Variants in KIF26B observed in about 807,000 individuals in gnomAD.
KIF26B encodes the protein kinesin family member 26B, also known as kinesin-like protein KIF26B.
KIF26B carries 63 observed loss-of-function variants against 151.2 expected under a neutral mutation model. That is an observed-to-expected ratio of 0.42 (90% confidence interval 0.34 to 0.51). KIF26B has a LOEUF of 0.51. Ranked by LOEUF, KIF26B falls within the 20% of genes least tolerant of loss-of-function variation. The probability of loss-of-function intolerance (pLI) is 0.07; values close to 1 mark genes in which losing one functional copy is unlikely to be tolerated. For missense variants in KIF26B, 2,813 were observed against 2,913.6 expected, an observed-to-expected ratio of 0.97 and a Z score of 0.79; for synonymous variants, 1,357 against 1,262.1, an observed-to-expected ratio of 1.08 and a Z score of -1.59.
rs564300679 is a variant in KIF26B, at chr1:245,224,814, C to G, written c.465+68131C>G. On this transcript the variant is annotated intron_variant, in intron 2 of 14. Coordinates refer to ENST00000407071, the MANE Select transcript of KIF26B (RefSeq NM_018012.4). ...AACTGTGGCGTAGACCAATGGATTT[C>G]CATGTAGTGGAGTAGAAAAAGTTTA... Among the ~76,000 whole-genome samples, 140 of 152,314 alleles carry G rather than the reference C, an allele frequency of 9.2e-4. 1 individual carries two copies. The highest frequency in any genetic ancestry group is 3.2e-3 in the African/African-American group (135 of 41,576).
At position 245,218,019 on chromosome 1, in the gene KIF26B, C is replaced by T. The variant is rs1300697808; in HGVS notation, c.465+61336C>T. On this transcript the variant is annotated intron_variant, in intron 2 of 14. Coordinates refer to ENST00000407071, the MANE Select transcript of KIF26B (RefSeq NM_018012.4). This position sits in a 1 kb window ranked among gnomAD's most constrained non-coding sequence, Gnocchi z 4.1. The stretch of plus-strand genomic sequence containing the variant: ...GCTTAGTCCTGCATTCTTTCCAAAG[C>T]CCCCATGCGGTGACTCAGTATTTGG... Among the ~76,000 whole-genome samples, 1 of 152,172 alleles carries T rather than the reference C, an allele frequency of 6.6e-6. No homozygotes were observed. Among genetic ancestry groups the T allele is most frequent in the African/African-American group, 2.4e-5 (1 of 41,446 alleles).
chr1:245,449,584 A>T (rs919793810), intron 4 of KIF26B, among the ~76,000 whole-genome samples: 1 of 152,048 alleles, frequency 6.6e-6, no homozygotes, highest in African/African-American at 2.4e-5. Flanking sequence ...TTGTACTGTT[A>T]ATCAGTTAAG....
At chr1:245,458,239 C>T (rs1349125642) in intron 4 of KIF26B, among the ~76,000 whole-genome samples, 2 of 152,178 alleles carry the variant, frequency 1.3e-5, no homozygotes, top group South Asian at 4.1e-4. Context: ...AGCCCTCTCT[C>T]TTAACCCCAG....
At chr1:245,531,207 G>A (rs1222377438) in intron 4 of KIF26B, among the ~76,000 whole-genome samples, 1 of 152,194 alleles carries the variant, frequency 6.6e-6, no homozygotes, top group East Asian at 1.9e-4. Context: ...ACAAAAATAT[G>A]TAAATGGTTT....
At chr1:245,314,442 ACT>A (rs1166228626) in intron 2 of KIF26B, among the ~76,000 whole-genome samples, 6 of 152,060 alleles carry the variant, frequency 3.9e-5, no homozygotes, top group Non-Finnish European at 8.8e-5. Flanking sequence ...ACAGAGCGAG[ACT>A]CTGTCTCGAA....
At chr1:245,617,914 C>T (rs2043610238) in intron 9 of KIF26B, among the ~76,000 whole-genome samples, 3 of 152,090 alleles carry the variant, frequency 2.0e-5, no homozygotes, top group African/African-American at 7.2e-5. Context: ...CCTGCTCCTT[C>T]CCACAGGCCT....
intron 2 of KIF26B, among the ~76,000 whole-genome samples, chr1:245,260,740 C>T (rs908699665): frequency 6.6e-5 from 10 of 152,166 alleles, no homozygotes; most frequent in African/African-American, 2.2e-4. Flanking sequence ...TTGGCATTCC[C>T]TTGTACTGGG....
chr1:245,533,919 G>A (rs759665165), intron 4 of KIF26B, among the ~76,000 whole-genome samples: 1 of 152,154 alleles, frequency 6.6e-6, no homozygotes, highest in Non-Finnish European at 1.5e-5. Flanking sequence ...GGTTTGGGTA[G>A]ATCTGGCCAA....
At chr1:245,267,156 C>T (rs560386763) in intron 2 of KIF26B, among the ~76,000 whole-genome samples, 1 of 152,314 alleles carries the variant, frequency 6.6e-6, no homozygotes, top group South Asian at 2.1e-4. Context: ...CACATCTAAG[C>T]TATGATACAA....
At chr1:245,411,649 G>T (rs933166058) in intron 3 of KIF26B, among the ~76,000 whole-genome samples, 2 of 152,192 alleles carry the variant, frequency 1.3e-5, no homozygotes, top group Non-Finnish European at 2.9e-5. Flanking sequence ...GTCTGGTGGG[G>T]TGACAAAGTG....
At chr1:245,697,147 C>T (rs535739463) in intron 12 of KIF26B, among the ~76,000 whole-genome samples, 14 of 152,234 alleles carry the variant, frequency 9.2e-5, no homozygotes, top group South Asian at 2.1e-4. Flanking sequence ...AAAAGGAGCT[C>T]GGAGCCCAGA....
Position 245,512,889 on chromosome 1 carries a change from T to G in KIF26B, c.1167-27878T>G, listed in dbSNP as rs2103084978. On this transcript the variant is annotated intron_variant, in intron 4 of 14. Coordinates refer to ENST00000407071, the MANE Select transcript of KIF26B (RefSeq NM_018012.4). The surrounding 1 kb of genome is among the most constrained non-coding windows in gnomAD (Gnocchi z 4.3). ...AAAAATCATGCCGGGGAAAGGAAAA[T>G]CATTAAAAAACAATGACTAAAAACA... Among the ~76,000 whole-genome samples, 1 of 151,898 alleles carries G rather than the reference T, an allele frequency of 6.6e-6. No individual in the cohort carries two copies. The highest frequency in any genetic ancestry group is 3.4e-3 in the Middle Eastern group (1 of 294).
intron 2 of KIF26B, among the ~76,000 whole-genome samples, chr1:245,181,533 A>G (rs1038352498): frequency 6.6e-6 from 1 of 152,012 alleles, no homozygotes; most frequent in African/African-American, 2.4e-5. Flanking sequence ...AAAAGCCAAA[A>G]AAAAAAATTC....
intron 3 of KIF26B, among the ~76,000 whole-genome samples, chr1:245,396,819 G>T (rs1673856874): frequency 6.6e-6 from 1 of 152,162 alleles, no homozygotes; most frequent in African/African-American, 2.4e-5. Context: ...TAAGGAATTA[G>T]TCATTTTTAT....
chr1:245,388,330 G>A (rs1399037253), intron 3 of KIF26B, among the ~76,000 whole-genome samples: 5 of 152,160 alleles, frequency 3.3e-5, no homozygotes, highest in African/African-American at 1.2e-4. Context: ...TAGCTCACAT[G>A]GAAAATATTT....
chr1:245,366,745 CG>C (rs1008132518), intron 2 of KIF26B, 88 bp from the exon 3 acceptor site: 7 of 1,282,638 alleles, frequency 5.5e-6, no homozygotes, highest in African/African-American at 1.5e-5. Flanking sequence ...GAGTACGTCT[CG>C]GGTTTGACTG....
At chr1:245,337,563 TGTATGA>T (rs1672260502) in intron 2 of KIF26B, among the ~76,000 whole-genome samples, 1 of 151,710 alleles carries the variant, frequency 6.6e-6, no homozygotes, top group African/African-American at 2.4e-5. Flanking sequence ...TGTGCACCCG[TGTATGA>T]GTATATGTGT....
intron 9 of KIF26B, among the ~76,000 whole-genome samples, chr1:245,636,758 T>C (rs2043838004): frequency 6.6e-6 from 1 of 152,090 alleles, no homozygotes; most frequent in Non-Finnish European, 1.5e-5. Flanking sequence ...ATATTTGTCT[T>C]TCCATACCTG....
intron 4 of KIF26B, among the ~76,000 whole-genome samples, chr1:245,481,709 C>A (rs1158644364): frequency 6.6e-6 from 1 of 151,264 alleles, no homozygotes; most frequent in Non-Finnish European, 1.5e-5. Flanking sequence ...TGTGGCCAAG[C>A]GTTGATTATT....
Sources: gnomAD v4.1 joint callset for allele counts (sites outside exome capture counted in the v4.1 genomes callset) on GRCh38, gnomAD v4.1.1 for gene constraint, Gnocchi (gnomAD v3.1) non-coding constraint, MANE v1.5 for transcripts, NCBI Gene and HGNC (gene_info 2026-07-23, HGNC 2026-07-21) for gene names.